Variants in GSAP observed in about 807,000 individuals in gnomAD.
GSAP encodes gamma-secretase-activating protein.
GSAP carries 118 observed loss-of-function variants against 131.7 expected under a neutral mutation model. The observed-to-expected ratio is 0.90, with a 90% CI of 0.77 to 1.04. GSAP has a LOEUF of 1.04. GSAP is among the 50% of genes least tolerant of loss of function. GSAP has a pLI of 0.00. For synonymous variants in GSAP, 381 were observed against 363.4 expected (o/e 1.05, Z -0.55); for missense variants, 1,019 against 1,013.2 (o/e 1.01, Z -0.08).
intron 19 of GSAP, among the ~76,000 whole-genome samples, chr7:77,341,750 C>T (rs1259632512): frequency 6.6e-6 from 1 of 152,212 alleles, no homozygotes; most frequent in Non-Finnish European, 1.5e-5. Flanking sequence ...AAATTAGATT[C>T]CGGCCCTCAA....
intron 3 of GSAP, among the ~76,000 whole-genome samples, chr7:77,397,619 G>GATATTTAGCCATGAGACAACCAAGT (rs1800638392): frequency 6.6e-6 from 1 of 152,172 alleles, no homozygotes; most frequent in African/African-American, 2.4e-5. Context: ...TGTTGGCACC[G>GATATTTAGCCATGAGACAACCAAGT]ATATTTAGCC....
intron 6 of GSAP, among the ~76,000 whole-genome samples, chr7:77,384,187 T>G (rs1012004705): frequency 6.6e-6 from 1 of 152,204 alleles, no homozygotes; most frequent in African/African-American, 2.4e-5. Flanking sequence ...AGATATCTGC[T>G]GCTATGGAAG....
rs544299240 is a variant in GSAP, at chr7:77,353,429, C to T, written c.1408+143G>A. ...AGAATGAAATTTAATTAGCTGCTGACTCCGATAGAGTTTTGTTTTTTTTTT... is the reference window on the plus strand; with the variant it reads ...AGAATGAAATTTAATTAGCTGCTGATTCCGATAGAGTTTTGTTTTTTTTTT... On this transcript the variant is annotated intron_variant, in intron 17 of 30. Transcript: ENST00000257626. The T allele has an allele frequency of 5.1e-6, 3 of 586,494 alleles. No homozygotes were observed. The African/African-American group carries it at 5.7e-5, about 11-fold the overall frequency. The allele number at this position is 586,494 out of a possible 1,614,324, so 36.3% of individuals were successfully genotyped here.
chr7:77,376,984 CT>C (rs1796991358), intron 9 of GSAP, 77 bp from the exon 10 acceptor site: 4 of 775,740 alleles, frequency 5.2e-6, no homozygotes, highest in Non-Finnish European at 8.6e-6. Context: ...CAAAACTTCA[CT>C]ATTTCCATCA....
At chr7:77,313,346 G>C (rs534038433) in intron 28 of GSAP, 142 bp downstream of exon 28, 1 of 596,512 alleles carries the variant, frequency 1.7e-6, no homozygotes, top group Non-Finnish European at 3.0e-6. Context: ...CTGGGGACGG[G>C]TGGGATTTCT....
intron 6 of GSAP, 36 bp from the exon 7 acceptor site, chr7:77,382,679 T>G: frequency 8.8e-7 from 1 of 1,137,616 alleles, no homozygotes; most frequent in Non-Finnish European, 1.3e-6. Context: ...TGTAAGCAAC[T>G]ATCTTGCTTG....
At chr7:77,335,938 T>C (rs1412723820) in intron 19 of GSAP, among the ~76,000 whole-genome samples, 1 of 152,094 alleles carries the variant, frequency 6.6e-6, no homozygotes, top group Non-Finnish European at 1.5e-5. Flanking sequence ...ACAGAATAAA[T>C]AGAAAATGTT....
chr7:77,394,090 C>T (rs77828255), intron 5 of GSAP, among the ~76,000 whole-genome samples: 11,680 of 152,266 alleles, frequency 0.077, 921 homozygotes, highest in East Asian at 0.41. Flanking sequence ...CTTGCCCTGC[C>T]GCAGTCCATC....
chr7:77,331,619 A>G (rs555780342), intron 19 of GSAP, among the ~76,000 whole-genome samples: 1 of 152,352 alleles, frequency 6.6e-6, no homozygotes, highest in South Asian at 2.1e-4. Context: ...AAAGACAGTC[A>G]TAATTGGTTT....
intron 19 of GSAP, among the ~76,000 whole-genome samples, chr7:77,347,997 A>T (rs988675921): frequency 8.0e-5 from 12 of 149,892 alleles, no homozygotes; most frequent in East Asian, 2.0e-4. Context: ...CAAAAAAAAA[A>T]AAAAATAAGA....
At chr7:77,318,062 A>T (rs1381554955) in intron 26 of GSAP, among the ~76,000 whole-genome samples, 1 of 152,248 alleles carries the variant, frequency 6.6e-6, no homozygotes, top group Non-Finnish European at 1.5e-5. Context: ...CTTTAGGCCC[A>T]TAAATAGCCC....
chr7:77,316,999 C>T (rs80014320), intron 26 of GSAP, among the ~76,000 whole-genome samples: 12,354 of 152,160 alleles, frequency 0.081, 719 homozygotes, highest in Non-Finnish European at 0.11. Context: ...GTAACTCAAA[C>T]AGTCATCATT....
intron 20 of GSAP, 102 bp downstream of exon 20, chr7:77,330,137 A>G: frequency 1.5e-6 from 2 of 1,329,518 alleles, no homozygotes; most frequent in Non-Finnish European, 2.0e-6. Context: ...GCAATTGGGA[A>G]GAGTGCTGCA....
chr7:77,407,506 C>G (rs1441186634), intron 1 of GSAP, among the ~76,000 whole-genome samples: 1 of 152,152 alleles, frequency 6.6e-6, no homozygotes, highest in Non-Finnish European at 1.5e-5. Flanking sequence ...TTCTACGTGT[C>G]TCACCTGTTT....
At chr7:77,317,153 C>T (rs75775061) in intron 26 of GSAP, among the ~76,000 whole-genome samples, 12,326 of 152,126 alleles carry the variant, frequency 0.081, 714 homozygotes, top group Non-Finnish European at 0.11. Context: ...TGGAAATAAA[C>T]ATTCAAGAGA....
intron 19 of GSAP, chr7:77,330,864 A>G: frequency 1.0e-6 from 1 of 981,420 alleles, no homozygotes; most frequent in Non-Finnish European, 1.2e-6. Context: ...AATCAAAAAA[A>G]GATAAAATGA....
intron 10 of GSAP, among the ~76,000 whole-genome samples, chr7:77,376,335 G>C (rs571784424): frequency 2.0e-5 from 3 of 152,214 alleles, no homozygotes; most frequent in Non-Finnish European, 4.4e-5. Context: ...TCTGGTGTGT[G>C]TTCTTCTAAT....
Position 77,311,341 on chromosome 7 carries a change from C to T in GSAP, c.*17G>A, listed in dbSNP as rs375318542. 187 of 1,451,346 alleles carry T rather than the reference C, an allele frequency of 1.3e-4. No individual in the cohort carries two copies. The highest frequency in any genetic ancestry group is 1.7e-4 in the Non-Finnish European group (178 of 1,032,012). 89.9% of individuals were successfully genotyped at this position (1,451,346 alleles called of 1,614,324 possible). On this transcript the variant is annotated 3_prime_UTR_variant, in exon 31 of 31. Coordinates refer to ENST00000257626, the MANE Select transcript of GSAP (RefSeq NM_017439.4). The stretch of plus-strand genomic sequence containing the variant: ...AAGATTAAAATGGCAGCAGCAGATC[C>T]AATTGCGTTTTCTTTTTCATAAGCC...
At chr7:77,372,848 T>TTC (rs759051521) in intron 12 of GSAP, among the ~76,000 whole-genome samples, 9 of 152,318 alleles carry the variant, frequency 5.9e-5, no homozygotes, top group African/African-American at 1.4e-4. Flanking sequence ...CTCTCCAGCT[T>TTC]TCTCTCTCTC....
Sources: gnomAD v4.1 joint callset for allele counts (sites outside exome capture counted in the v4.1 genomes callset) on GRCh38, gnomAD v4.1.1 for gene constraint, MANE v1.5 for transcripts, NCBI Gene and HGNC (gene_info 2026-07-23, HGNC 2026-07-21) for gene names.